Variants in GABRG2 observed in about 807,000 individuals in gnomAD.
The protein encoded by GABRG2 is gamma-aminobutyric acid receptor subunit gamma-2.
In GABRG2, 16 loss-of-function variants were observed where a neutral mutation model predicts 56.4. That is an observed-to-expected ratio of 0.28 (90% CI 0.19 to 0.43). The LOEUF (loss-of-function observed/expected upper bound fraction) is 0.43. GABRG2 is among the 20% of genes least tolerant of loss of function. The pLI is 1.00. For synonymous variants in GABRG2, 208 were observed against 205.5 expected (o/e 1.01, Z -0.10); for missense variants, 327 against 582.7 (o/e 0.56, Z 4.52).
chr5:162,097,347 ACACAATGCTCTG>A (rs1364068309), intron 3 of GABRG2, among the ~76,000 whole-genome samples: 1 of 152,170 alleles, frequency 6.6e-6, no homozygotes, highest in East Asian at 1.9e-4. Flanking sequence ...GCTCAAAACA[ACACAATGCTCTG>A]CTCTATAGAC....
At chr5:162,149,705 C>G in intron 8 of GABRG2, 1 of 501,580 alleles carries the variant, frequency 2.0e-6, no homozygotes, top group South Asian at 1.5e-5. Context: ...CCTCTGCCTC[C>G]TAGGTTCAAG....
chr5:162,149,170 G>T lies in GABRG2; in HGVS notation c.985G>T (p.Val329Phe), dbSNP rs768061156. The part of the protein sequence containing the change: ...STIARKSLPK[V>F]SYVTAMDLFV... Reference sequence around the variant, plus strand: ...CATTGCCCGGAAATCGCTCCCCAAGGTCTCCTATGTCACAGCGATGGATCT... The same window carrying T: ...CATTGCCCGGAAATCGCTCCCCAAGTTCTCCTATGTCACAGCGATGGATCT... Residue 329 changes from valine (V) to phenylalanine (F), a missense_variant, in exon 8 of 10, where the codon GTC (valine) becomes TTC (phenylalanine). By Grantham distance (50) the Val-to-Phe change is conservative. Coordinates refer to ENST00000639213, the MANE Select transcript of GABRG2 (RefSeq NM_198904.4). 3 of 1,613,802 alleles carry T rather than the reference G, an allele frequency of 1.9e-6. No individual in the cohort carries two copies. The highest frequency in any genetic ancestry group is 1.7e-5 in the Admixed American group (1 of 59,968).
At chr5:162,074,660 T>A (rs1049727021) in intron 1 of GABRG2, among the ~76,000 whole-genome samples, 1 of 152,104 alleles carries the variant, frequency 6.6e-6, no homozygotes, top group Middle Eastern at 3.2e-3. Context: ...TTCTTTTTTA[T>A]AAATTGCTTT....
At chr5:162,087,580 A>G (rs1278324893) in intron 1 of GABRG2, among the ~76,000 whole-genome samples, 4 of 152,120 alleles carry the variant, frequency 2.6e-5, no homozygotes, top group African/African-American at 7.2e-5. Flanking sequence ...TTGTGACCAC[A>G]TAGATACTTC....
intron 6 of GABRG2, among the ~76,000 whole-genome samples, chr5:162,105,080 A>T (rs1761700750): frequency 6.6e-6 from 1 of 152,176 alleles, no homozygotes; most frequent in Non-Finnish European, 1.5e-5. Context: ...TTTGCTGTTG[A>T]TTTAGTCACA....
At chr5:162,148,692 G>A (rs1047445294) in intron 7 of GABRG2, among the ~76,000 whole-genome samples, 1 of 152,062 alleles carries the variant, frequency 6.6e-6, no homozygotes, top group Admixed American at 6.6e-5. Flanking sequence ...ATGATCAAAA[G>A]GTTAGTTTCT....
At chr5:162,124,605 C>G (rs1357362014) in intron 6 of GABRG2, among the ~76,000 whole-genome samples, 2 of 151,612 alleles carry the variant, frequency 1.3e-5, no homozygotes, top group African/African-American at 4.8e-5. Flanking sequence ...AGTTAAAGGA[C>G]AGAGAGAGGC....
At chr5:162,067,769 C>T (rs1416147269), upstream of GABRG2, 5 of 610,162 alleles carry the variant, frequency 8.2e-6, no homozygotes, top group Admixed American at 5.9e-5. Flanking sequence ...ACTTGGAAGC[C>T]GCTGCCAGAG....
At position 162,137,927 on chromosome 5, in the gene GABRG2, A is replaced by AT. The variant is rs554268081; in HGVS notation, c.770-4224dup. Among the ~76,000 whole-genome samples, 436 of 141,570 alleles carry AT rather than the reference A, an allele frequency of 3.1e-3. 2 individuals carry two copies. Among genetic ancestry groups the AT allele is most frequent in the South Asian group, 0.025 (110 of 4,466 alleles). The allele number at this position is 141,570 out of a possible 152,430, so 92.9% of individuals were successfully genotyped here. On this transcript the variant is annotated intron_variant, in intron 6 of 9. Transcript: ENST00000639213. Reference sequence around the variant, plus strand: ...CCACCACGCCTGGCTAATTTTTGGTATTTTTTTTTTTTTGTAGTGATAGAT... The same window carrying AT: ...CCACCACGCCTGGCTAATTTTTGGTATTTTTTTTTTTTTTGTAGTGATAGAT...
chr5:162,097,317 T>C (rs999152186), intron 3 of GABRG2, among the ~76,000 whole-genome samples: 15 of 152,150 alleles, frequency 9.9e-5, no homozygotes, highest in Non-Finnish European at 1.8e-4. Flanking sequence ...GGGACAGCCC[T>C]CATGGCAAGA....
At chr5:162,142,089 T>G (rs1476980332) in intron 6 of GABRG2, 75 bp from the exon 7 acceptor site, 1 of 1,496,508 alleles carries the variant, frequency 6.7e-7, no homozygotes. Context: ...GCATAACCAT[T>G]AAATACATGC....
intron 8 of GABRG2, chr5:162,149,798 C>T (rs1267651574): frequency 1.4e-5 from 5 of 369,754 alleles, no homozygotes; most frequent in African/African-American, 1.1e-4. Context: ...ATTTTTAGTA[C>T]AGACGGGGTT....
intron 9 of GABRG2, 105 bp from the exon 10 acceptor site, chr5:162,152,988 A>G: frequency 2.3e-6 from 3 of 1,302,072 alleles, no homozygotes; most frequent in Non-Finnish European, 2.2e-6. Context: ...TTTCCTGAGT[A>G]CCCATTTTCA....
At chr5:162,097,920 A>T in intron 4 of GABRG2, 62 bp downstream of exon 4, 2 of 1,419,896 alleles carry the variant, frequency 1.4e-6, no homozygotes, top group South Asian at 2.3e-5. Context: ...CACAAAAATC[A>T]ACCTTAAGTC....
intron 6 of GABRG2, among the ~76,000 whole-genome samples, chr5:162,112,021 G>C (rs17572158): frequency 0.048 from 7,241 of 152,074 alleles, 271 homozygotes; most frequent in Middle Eastern, 0.071. Context: ...TTATGAGATA[G>C]TATTATTTAC....
intron 6 of GABRG2, among the ~76,000 whole-genome samples, chr5:162,120,416 C>G (rs1162487483): frequency 1.3e-5 from 2 of 152,116 alleles, no homozygotes; most frequent in Non-Finnish European, 2.9e-5. Context: ...GATTATTACT[C>G]TAGCATTGAA....
chr5:162,130,567 A>G (rs546771303), intron 6 of GABRG2, among the ~76,000 whole-genome samples: 3 of 152,044 alleles, frequency 2.0e-5, no homozygotes, highest in Admixed American at 6.6e-5. Context: ...AAGAAAAATA[A>G]AGCGCTTCTA....
intron 8 of GABRG2, chr5:162,150,445 CA>C (rs1765285885): frequency 6.6e-6 from 1 of 152,212 alleles, no homozygotes; most frequent in South Asian, 2.1e-4. Context: ...AGCATAAACA[CA>C]AATGCCTAAA....
At chr5:162,082,184 G>A (rs1047046584) in intron 1 of GABRG2, among the ~76,000 whole-genome samples, 1 of 151,764 alleles carries the variant, frequency 6.6e-6, no homozygotes, top group Non-Finnish European at 1.5e-5. Flanking sequence ...TAGGGAAGAT[G>A]GGGGAAGAAG....
Sources: allele counts gnomAD v4.1 joint callset (sites outside exome capture counted in the v4.1 genomes callset), GRCh38; gene constraint gnomAD v4.1.1; transcripts MANE v1.5; gene names NCBI Gene and HGNC (gene_info 2026-07-23, HGNC 2026-07-21).